SCFD1: variants seen among roughly 807,000 people sequenced by gnomAD.
The protein encoded by SCFD1 is sec1 family domain containing 1, also known as sec1 family domain-containing protein 1.
Under a neutral mutation model 103.2 loss-of-function variants are expected in SCFD1, and 37 were observed. The observed-to-expected ratio is 0.36, with a 90% confidence interval of 0.28 to 0.47. The LOEUF is 0.47. SCFD1 is among the 20% of genes least tolerant of loss of function. SCFD1 has a pLI of 1.00. For missense variants in SCFD1, 639 were observed against 761.2 expected (o/e 0.84, Z 1.89); for synonymous variants, 264 against 245.0 (o/e 1.08, Z -0.73).
intron 7 of SCFD1, 132 bp downstream of exon 7, chr14:30,643,537 A>G (rs1014359612): frequency 1.5e-6 from 1 of 651,740 alleles, no homozygotes; most frequent in East Asian, 2.7e-5. Context: ...AGTAAAATAT[A>G]TATTCAATAG....
At chr14:30,629,231 A>G (rs1237158593) in intron 2 of SCFD1, among the ~76,000 whole-genome samples, 1 of 152,136 alleles carries the variant, frequency 6.6e-6, no homozygotes, top group Non-Finnish European at 1.5e-5. Flanking sequence ...AGATTAAAAG[A>G]GGGAAGATTT....
At chr14:30,643,165 C>A in intron 6 of SCFD1, 151 bp from the exon 7 acceptor site, 1 of 668,742 alleles carries the variant, frequency 1.5e-6, no homozygotes, top group Middle Eastern at 3.9e-4. Flanking sequence ...AGAGCAAGAT[C>A]CTGTCTGAAA....
At chr14:30,712,398 G>A (rs1204363721) in intron 19 of SCFD1, among the ~76,000 whole-genome samples, 1 of 152,088 alleles carries the variant, frequency 6.6e-6, no homozygotes, top group Non-Finnish European at 1.5e-5. Context: ...AGTCACCATA[G>A]ATCAGTTGTC....
intron 15 of SCFD1, among the ~76,000 whole-genome samples, chr14:30,699,247 G>A (rs1890909352): frequency 6.6e-6 from 1 of 152,130 alleles, no homozygotes; most frequent in South Asian, 2.1e-4. Context: ...TAGAGAATGA[G>A]CGTTAGTGTT....
chr14:30,662,040 T>G (rs1167237096), intron 10 of SCFD1, among the ~76,000 whole-genome samples: 1 of 152,150 alleles, frequency 6.6e-6, no homozygotes, highest in Non-Finnish European at 1.5e-5. Flanking sequence ...ACTCACAGCT[T>G]TTATTTTACA....
At chr14:30,681,681 A>C (rs1201943493) in intron 14 of SCFD1, among the ~76,000 whole-genome samples, 2 of 151,132 alleles carry the variant, frequency 1.3e-5, no homozygotes, top group Non-Finnish European at 3.0e-5. Context: ...GAGATGATTA[A>C]GATAAAAAAA....
At chr14:30,717,181 A>C (rs1892336148) in intron 20 of SCFD1, among the ~76,000 whole-genome samples, 1 of 152,222 alleles carries the variant, frequency 6.6e-6, no homozygotes, top group Non-Finnish European at 1.5e-5. Flanking sequence ...GGGGGTTAAG[A>C]AATTTTGATA....
rs751655113 is a variant in SCFD1 at position 30,639,861 on chromosome 14, C to T, written c.520C>T (p.Arg174Cys). Residue 174 changes from arginine (R) to cysteine (C), a missense_variant, in exon 6 of 25, where the codon CGT (arginine) becomes TGT (cysteine). Arg to Cys is a radical substitution (Grantham distance 180, BLOSUM62 -3). Coordinates refer to ENST00000458591, the MANE Select transcript of SCFD1 (RefSeq NM_016106.4). ...CNQNKELVSY[R>C]AINRPDITDT... ...TCAAAATAAGGAGCTTGTTTCATAT[C>T]GTGGTATGTAAAAATAGAAATGTTG... The T allele has an allele frequency of 2.5e-6, 4 of 1,576,570 alleles. No homozygotes were observed. In the South Asian group the frequency reaches 3.5e-5, roughly 14 times the overall value.
chr14:30,716,030 T>TC, intron 20 of SCFD1, 53 bp downstream of exon 20: 1 of 984,312 alleles, frequency 1.0e-6, no homozygotes, highest in Non-Finnish European at 1.6e-6. Context: ...TCAAACTGAC[T>TC]AGTATGAAAG....
chr14:30,681,124 G>A (rs992583996), intron 14 of SCFD1, among the ~76,000 whole-genome samples: 1 of 151,928 alleles, frequency 6.6e-6, no homozygotes, highest in Non-Finnish European at 1.5e-5. Flanking sequence ...TGGAGGCTGA[G>A]GCATGAGAAT....
chr14:30,639,101 G>A (rs756159045), intron 5 of SCFD1, among the ~76,000 whole-genome samples: 2 of 151,974 alleles, frequency 1.3e-5, no homozygotes, highest in Admixed American at 6.6e-5. Flanking sequence ...TGTCTCGCTC[G>A]CCCAGGCTGG....
chr14:30,735,232 C>T, intron 24 of SCFD1: 1 of 301,120 alleles, frequency 3.3e-6, no homozygotes, highest in Non-Finnish European at 6.1e-6. Flanking sequence ...TGAACGTTAC[C>T]TAATAATGTT....
At chr14:30,733,834 T>C (rs564204534) in intron 23 of SCFD1, among the ~76,000 whole-genome samples, 1 of 152,316 alleles carries the variant, frequency 6.6e-6, no homozygotes, top group South Asian at 2.1e-4. Context: ...ATAAAAGACC[T>C]CTCCTTGAAC....
In SCFD1 at chr14:30,715,956, TATGGAG is replaced by T. The variant is rs1238437018; in HGVS notation, c.1666_1671del (p.Glu556_Met557del). 1 of 1,568,382 alleles carries T rather than the reference TATGGAG, an allele frequency of 6.4e-7. No homozygotes were observed. Among genetic ancestry groups the T allele is most frequent in the South Asian group, 1.2e-5 (1 of 86,212 alleles). On this transcript the variant is annotated inframe_deletion, in exon 20 of 25. Coordinates refer to ENST00000458591, the MANE Select transcript of SCFD1 (RefSeq NM_016106.4). ...CTGTTACTCGTATTTTGGACAATCTTATGGAGATGAAGTCAAACCCCGTGAGTACCA... is the reference window on the plus strand; with the variant it reads ...CTGTTACTCGTATTTTGGACAATCTTATGAAGTCAAACCCCGTGAGTACCA...
Position 30,669,482 on chromosome 14 carries a change from T to TA in SCFD1, c.856-773dup, listed in dbSNP as rs773831828. Among the ~76,000 whole-genome samples, 9 of 152,232 alleles carry TA rather than the reference T, an allele frequency of 5.9e-5. No individual in the cohort carries two copies. In the East Asian group the frequency reaches 1.7e-3, roughly 29 times the overall value. On this transcript the variant is annotated intron_variant, in intron 10 of 24. Coordinates refer to ENST00000458591, the MANE Select transcript of SCFD1 (RefSeq NM_016106.4). ...AGTTGGGGGAAAGAAAAAAGATACT[T>TA]ACTTTTATTTTTGCCTAATGGTTTT... is the stretch of plus-strand genomic sequence containing the variant.
intron 20 of SCFD1, among the ~76,000 whole-genome samples, chr14:30,716,983 A>AC (rs1039753384): frequency 2.0e-5 from 3 of 152,196 alleles, no homozygotes; most frequent in African/African-American, 7.2e-5. Context: ...CTTTGTCACT[A>AC]CATCCTAGAA....
intron 7 of SCFD1, among the ~76,000 whole-genome samples, chr14:30,648,952 G>A (rs1475779916): frequency 3.3e-5 from 5 of 149,880 alleles, no homozygotes; most frequent in African/African-American, 1.2e-4. Flanking sequence ...TCCTAGCCTG[G>A]GTGACAGAGT....
chr14:30,732,511 T>C (rs1893546410), intron 23 of SCFD1, among the ~76,000 whole-genome samples: 3 of 152,236 alleles, frequency 2.0e-5, no homozygotes, highest in Admixed American at 2.0e-4. Context: ...TTTAGTTTTT[T>C]TGTCCTGAAT....
At chr14:30,667,202 C>G (rs1162150497) in intron 10 of SCFD1, among the ~76,000 whole-genome samples, 1 of 152,172 alleles carries the variant, frequency 6.6e-6, no homozygotes, top group East Asian at 1.9e-4. Flanking sequence ...AAAAGCTTAT[C>G]CACCACAAAC....
Sources: gnomAD v4.1 joint callset for allele counts (sites outside exome capture counted in the v4.1 genomes callset) on GRCh38, gnomAD v4.1.1 for gene constraint, MANE v1.5 for transcripts, NCBI Gene and HGNC (gene_info 2026-07-23, HGNC 2026-07-21) for gene names.